The following FYB1 variants were observed in gnomAD, a reference collection of about 807,000 sequenced individuals.
FYB1 encodes FYN-binding protein 1.
FYB1 carries 41 observed loss-of-function variants against 94.1 expected under a neutral mutation model. That is an observed-to-expected ratio of 0.44 (90% CI 0.34 to 0.57). The LOEUF (loss-of-function observed/expected upper bound fraction) is 0.57, where lower values mean the gene tolerates loss of function less well. FYB1 is among the 20% of genes least tolerant of loss of function. The probability of loss-of-function intolerance (pLI) is 0.02; values close to 1 mark genes in which losing one functional copy is unlikely to be tolerated. For synonymous variants in FYB1, 367 were observed against 353.2 expected, an observed-to-expected ratio of 1.04 and a Z score of -0.44; for missense variants, 1,050 against 976.8, an observed-to-expected ratio of 1.07 and a Z score of -1.00.
At chr5:39,222,096 G>C (rs1236946440), upstream of FYB1, among the ~76,000 whole-genome samples, 1 of 152,138 alleles carries the variant, frequency 6.6e-6, no homozygotes, top group Non-Finnish European at 1.5e-5. Flanking sequence ...TGTCTTCATG[G>C]AATGTACTGC....
upstream of FYB1, among the ~76,000 whole-genome samples, chr5:39,223,312 G>A (rs1348048153): frequency 6.6e-6 from 1 of 151,908 alleles, no homozygotes; most frequent in East Asian, 1.9e-4. Context: ...AAAAATATGA[G>A]GAGCATATTT....
At chr5:39,162,472 G>A (rs1352862934) in intron 2 of FYB1, among the ~76,000 whole-genome samples, 2 of 152,080 alleles carry the variant, frequency 1.3e-5, no homozygotes, top group African/African-American at 4.8e-5. Context: ...AGATCATGAG[G>A]TCAAGAGATC....
chr5:39,153,529 G>A lies in FYB1; in HGVS notation c.1211C>T (p.Pro404Leu). Residue 404 changes from proline (P) to leucine (L), a missense_variant, in exon 3 of 19, where the codon CCA (proline) becomes CTA (leucine). Transcript: ENST00000512982. ...PPPPSHPASQ[P>L]PLPASHPSQP... ...TGATGGGTGAGATGCTGGCAATGGTGGTTGGCTGGCCGGATGGGATGGTGG... is the reference window on the plus strand; with the variant it reads ...TGATGGGTGAGATGCTGGCAATGGTAGTTGGCTGGCCGGATGGGATGGTGG... 1 of 1,613,956 alleles carries A rather than the reference G, an allele frequency of 6.2e-7. No individual in the cohort carries two copies. The highest frequency in any genetic ancestry group is 8.5e-7 in the Non-Finnish European group (1 of 1,179,858).
At chr5:39,230,837 C>T (rs1159031614) in intron 1 of FYB1, among the ~76,000 whole-genome samples, 3 of 126,070 alleles carry the variant, frequency 2.4e-5, no homozygotes, top group Admixed American at 8.9e-5. Flanking sequence ...ACTTCCCTGT[C>T]TCAGTATACA....
intron 1 of FYB1, among the ~76,000 whole-genome samples, chr5:39,233,917 T>C (rs1433434568): frequency 1.3e-5 from 2 of 152,096 alleles, no homozygotes; most frequent in African/African-American, 2.4e-5. Flanking sequence ...ATTGTGTAGG[T>C]AGTTTTGACA....
chr5:39,172,781 A>G (rs1745371300), intron 2 of FYB1, among the ~76,000 whole-genome samples: 1 of 152,134 alleles, frequency 6.6e-6, no homozygotes, highest in Non-Finnish European at 1.5e-5. Context: ...ACATGACTTC[A>G]TTCTTTTTTG....
In FYB1 at chr5:39,142,371, T is replaced by C. The variant is rs567689023; in HGVS notation, c.1293-1230A>G. 3.6e-4 allele frequency among the ~76,000 whole-genome samples: 55 copies of C among 152,268 alleles called. 1 individual carries two copies. In the South Asian group the frequency reaches 0.011, roughly 30 times the overall value. On this transcript the variant is annotated intron_variant, in intron 3 of 18. Coordinates refer to ENST00000512982, the MANE Select transcript of FYB1 (RefSeq NM_001465.6). ...TTAGGTGTGAGCTCTCTTAAGAAAATACATTTTCTTAACCCACAAACTCAT... is the reference window on the plus strand; with the variant it reads ...TTAGGTGTGAGCTCTCTTAAGAAAACACATTTTCTTAACCCACAAACTCAT...
At chr5:39,170,238 G>A (rs867826695) in intron 2 of FYB1, 5 of 962,510 alleles carry the variant, frequency 5.2e-6, no homozygotes, top group Middle Eastern at 4.3e-4. Flanking sequence ...TGTTGCTGGT[G>A]GTGGTGTCTT....
At chr5:39,183,486 A>G (rs964265236) in intron 2 of FYB1, among the ~76,000 whole-genome samples, 2 of 152,162 alleles carry the variant, frequency 1.3e-5, no homozygotes, top group Non-Finnish European at 2.9e-5. Context: ...AAAGTCTTGT[A>G]AGCTTCTACA....
Position 39,219,517 on chromosome 5 carries a change from C to A in FYB1, c.-102G>T. On this transcript the variant is annotated 5_prime_UTR_variant, in exon 1 of 19. Transcript: ENST00000512982. ...CCTGGGCCAGGGTCTGGGCCCTACTCACTTCTAGCTGTCGCATCTGCTCTG... is the reference window on the plus strand; with the variant it reads ...CCTGGGCCAGGGTCTGGGCCCTACTAACTTCTAGCTGTCGCATCTGCTCTG... The A allele has an allele frequency of 1.0e-6, 1 of 985,428 alleles. No homozygotes were observed. The highest frequency in any genetic ancestry group is 1.2e-6 in the Non-Finnish European group (1 of 829,930). 61.0% of individuals were successfully genotyped at this position (985,428 alleles called of 1,614,324 possible).
At chr5:39,168,392 T>G (rs912349700) in intron 2 of FYB1, among the ~76,000 whole-genome samples, 1 of 152,220 alleles carries the variant, frequency 6.6e-6, no homozygotes, top group African/African-American at 2.4e-5. Flanking sequence ...TGACAATTAA[T>G]GAAAAAGTTA....
At chr5:39,117,127 A>G (rs891967501) in intron 16 of FYB1, among the ~76,000 whole-genome samples, 5 of 152,162 alleles carry the variant, frequency 3.3e-5, no homozygotes, top group African/African-American at 1.2e-4. Flanking sequence ...AAAATACATC[A>G]TTTAGACTCA....
At chr5:39,211,589 G>T (rs1222057614) in intron 1 of FYB1, among the ~76,000 whole-genome samples, 1 of 152,032 alleles carries the variant, frequency 6.6e-6, no homozygotes, top group East Asian at 1.9e-4. Flanking sequence ...GATTATAAGC[G>T]TGAGCCACTG....
intron 1 of FYB1, among the ~76,000 whole-genome samples, chr5:39,244,431 C>T (rs1751373531): frequency 6.6e-6 from 1 of 151,976 alleles, no homozygotes; most frequent in African/African-American, 2.4e-5. Context: ...TGTTTGTATG[C>T]TGGATTATGT....
intron 2 of FYB1, among the ~76,000 whole-genome samples, chr5:39,163,532 G>C (rs1477909658): frequency 6.6e-6 from 1 of 152,108 alleles, no homozygotes; most frequent in African/African-American, 2.4e-5. Flanking sequence ...CAATGTCTCT[G>C]AATAATTTTT....
At chr5:39,209,155 C>T (rs1749128015) in intron 1 of FYB1, among the ~76,000 whole-genome samples, 1 of 152,050 alleles carries the variant, frequency 6.6e-6, no homozygotes. Flanking sequence ...TTTCATAAAA[C>T]TCTTTACTAT....
At chr5:39,133,951 T>A (rs1561153245) in intron 9 of FYB1, among the ~76,000 whole-genome samples, 3 of 152,186 alleles carry the variant, frequency 2.0e-5, no homozygotes, top group Non-Finnish European at 4.4e-5. Context: ...TAAAAGTGTT[T>A]TAGAATGAAA....
At chr5:39,169,476 G>T in intron 2 of FYB1, 1 of 689,782 alleles carries the variant, frequency 1.4e-6, no homozygotes. Context: ...GACAATTTCA[G>T]ACATATTAAT....
At chr5:39,169,978 G>C in intron 2 of FYB1, 1 of 695,138 alleles carries the variant, frequency 1.4e-6, no homozygotes, top group Non-Finnish European at 2.7e-6. Flanking sequence ...ATCAGGTTCT[G>C]ACTTTCTTGT....
Sources: allele counts gnomAD v4.1 joint callset (sites outside exome capture counted in the v4.1 genomes callset), GRCh38; gene constraint gnomAD v4.1.1; transcripts MANE v1.5; gene names NCBI Gene and HGNC (gene_info 2026-07-23, HGNC 2026-07-21).